Variants in RGS7 observed in about 807,000 individuals in gnomAD.
The protein encoded by RGS7 is regulator of G-protein signaling 7.
A neutral mutation model predicts 81.1 loss-of-function variants in RGS7; 27 were observed. That is an observed-to-expected ratio of 0.33 (90% CI 0.25 to 0.46). RGS7 has a LOEUF of 0.46. RGS7 is among the 20% of genes least tolerant of loss of function. RGS7 has a pLI of 1.00. For missense variants in RGS7, 396 were observed against 607.4 expected (o/e 0.65, Z 3.66); for synonymous variants, 208 against 207.7 (o/e 1.00, Z -0.01).
chr1:240,946,037 T>C (rs1678547549), intron 4 of RGS7, among the ~76,000 whole-genome samples: 1 of 152,186 alleles, frequency 6.6e-6, no homozygotes, highest in South Asian at 2.1e-4. Flanking sequence ...ATAAGATGTA[T>C]TAAAACATTT....
At position 241,098,619 on chromosome 1, in the gene RGS7, T is replaced by C. The variant is rs1374593208; in HGVS notation, c.175+47A>G. On this transcript the variant is annotated intron_variant, in intron 3 of 18. Transcript: ENST00000440928. Reference sequence around the variant, plus strand: ...AGCTGGAATCAGTTTTAAAGAGTTATCTAAGAGGTACAGGAGAAAACAGAA... The same window carrying C: ...AGCTGGAATCAGTTTTAAAGAGTTACCTAAGAGGTACAGGAGAAAACAGAA... 5.6e-6 allele frequency: 7 copies of C among 1,251,442 alleles called. No individual in the cohort carries two copies. The East Asian group carries it at 1.4e-4, about 25-fold the overall frequency. 77.5% of individuals were successfully genotyped at this position (1,251,442 alleles called of 1,614,324 possible).
intron 15 of RGS7, among the ~76,000 whole-genome samples, chr1:240,803,257 A>T (rs1688294579): frequency 6.6e-6 from 1 of 152,150 alleles, no homozygotes; most frequent in African/African-American, 2.4e-5. Flanking sequence ...GATTAATAAA[A>T]TGTCATAAAA....
chr1:241,022,015 G>A (rs1367412027), intron 3 of RGS7, among the ~76,000 whole-genome samples: 1 of 152,134 alleles, frequency 6.6e-6, no homozygotes, highest in Admixed American at 6.5e-5. Flanking sequence ...GTTTAGCTGT[G>A]CGGTTAAGAC....
At chr1:241,226,196 A>G (rs774123830) in intron 2 of RGS7, among the ~76,000 whole-genome samples, 1 of 152,240 alleles carries the variant, frequency 6.6e-6, no homozygotes, top group African/African-American at 2.4e-5. Context: ...AAGGAAAAGA[A>G]AAAAAGGAAA....
rs576057249 is a variant in RGS7 at position 240,805,206 on chromosome 1, C to T, written c.1269+934G>A. Among the ~76,000 whole-genome samples, 9 of 139,240 alleles carry T rather than the reference C, an allele frequency of 6.5e-5. No homozygotes were observed. In the East Asian group the frequency reaches 1.5e-3, roughly 23 times the overall value. 91.3% of individuals were successfully genotyped at this position (139,240 alleles called of 152,430 possible). On this transcript the variant is annotated intron_variant, in intron 15 of 18. Transcript: ENST00000440928. The stretch of plus-strand genomic sequence containing the variant: ...CCTGGGCAACATAGGGAGACCCACC[C>T]TGTCTCTACAAAAAAAAATAAAAAA...
rs139992038 is a variant in RGS7, at chr1:241,156,111, A to G, written c.79-57349T>C. 1.3e-3 allele frequency among the ~76,000 whole-genome samples: 202 copies of G among 151,176 alleles called. No individual in the cohort carries two copies. The Middle Eastern group carries it at 0.02, about 15-fold the overall frequency. On this transcript the variant is annotated intron_variant, in intron 2 of 18. Coordinates refer to ENST00000440928, the MANE Select transcript of RGS7 (RefSeq NM_001364886.1). ...ACACACACACACACACACCTGAGAT[A>G]GAGGATAGAAAGATAAATGATGATA...
At chr1:241,064,346 G>A (rs552395856) in intron 3 of RGS7, among the ~76,000 whole-genome samples, 1 of 151,602 alleles carries the variant, frequency 6.6e-6, no homozygotes, top group Non-Finnish European at 1.5e-5. Flanking sequence ...AGCACTTTGG[G>A]AGGCCGAGGT....
At chr1:240,804,176 A>G (rs1305491566) in intron 15 of RGS7, among the ~76,000 whole-genome samples, 1 of 152,204 alleles carries the variant, frequency 6.6e-6, no homozygotes, top group African/African-American at 2.4e-5. Flanking sequence ...TAATTTTCTC[A>G]TCTATAAAAT....
At chr1:241,180,726 G>A (rs1396371655) in intron 2 of RGS7, among the ~76,000 whole-genome samples, 2 of 152,196 alleles carry the variant, frequency 1.3e-5, no homozygotes, top group Non-Finnish European at 2.9e-5. Context: ...GAGTCAAAGG[G>A]TTTCAGAACT....
chr1:241,198,734 G>C (rs1188779675), intron 2 of RGS7, among the ~76,000 whole-genome samples: 1 of 152,014 alleles, frequency 6.6e-6, no homozygotes, highest in Non-Finnish European at 1.5e-5. Flanking sequence ...TGTTGTTACT[G>C]GTAAATTTTA....
chr1:240,983,444 G>A lies in RGS7; in HGVS notation c.176-315C>T, dbSNP rs6429235. ...TTATTAAGCATCTCCTATATTTCAG[G>A]TACAAGTCTTAGCACAGCATAACCA... On this transcript the variant is annotated intron_variant, in intron 3 of 18. Transcript: ENST00000440928. Among the ~76,000 whole-genome samples the A allele has an allele frequency of 6.4e-3, 978 of 152,244 alleles. 16 individuals carry two copies. Among genetic ancestry groups the A allele is most frequent in the African/African-American group, 0.022 (928 of 41,536 alleles).
intron 2 of RGS7, among the ~76,000 whole-genome samples, chr1:241,317,473 T>A (rs982115567): frequency 3.3e-5 from 5 of 152,138 alleles, no homozygotes; most frequent in Non-Finnish European, 7.4e-5. Context: ...TTACCCTTAC[T>A]TTCTGCATTC....
chr1:241,153,765 G>A (rs1270197417), intron 2 of RGS7, among the ~76,000 whole-genome samples: 2 of 152,240 alleles, frequency 1.3e-5, no homozygotes, highest in Non-Finnish European at 2.9e-5. Context: ...AATAGGGACA[G>A]AGAAGCAAGT....
intron 6 of RGS7, among the ~76,000 whole-genome samples, chr1:240,915,206 C>T (rs1422366863): frequency 6.6e-6 from 1 of 152,132 alleles, no homozygotes; most frequent in South Asian, 2.1e-4. Flanking sequence ...CAGAGCCCAA[C>T]AGACTGAGAT....
intron 3 of RGS7, among the ~76,000 whole-genome samples, chr1:241,014,198 C>T (rs142136763): frequency 3.5e-4 from 54 of 152,282 alleles, no homozygotes; most frequent in Admixed American, 1.1e-3. Context: ...CACAACCTTT[C>T]ATTTTCTACA....
intron 10 of RGS7, among the ~76,000 whole-genome samples, chr1:240,820,974 G>A (rs1448810990): frequency 6.6e-6 from 1 of 152,036 alleles, no homozygotes; most frequent in South Asian, 2.1e-4. Flanking sequence ...TTTCTTTCAC[G>A]GTTGCTCAGC....
intron 2 of RGS7, among the ~76,000 whole-genome samples, chr1:241,348,943 G>T (rs2148730248): frequency 6.6e-6 from 1 of 152,140 alleles, no homozygotes; most frequent in South Asian, 2.1e-4. Context: ...TGGTAACATA[G>T]GGTACCCCAC....
At chr1:241,257,182 G>C (rs1256505752) in intron 2 of RGS7, among the ~76,000 whole-genome samples, 2 of 152,096 alleles carry the variant, frequency 1.3e-5, no homozygotes, top group Non-Finnish European at 1.5e-5. Context: ...CTGGATGGTG[G>C]GAAGTCCGAG....
intron 2 of RGS7, among the ~76,000 whole-genome samples, chr1:241,259,667 A>AAAAAAAAACAAAATATATATATATATAT: frequency 2.0e-5 from 1 of 49,146 alleles, no homozygotes; most frequent in Non-Finnish European, 3.6e-5. Context: ...AAAAAAAAAA[A>AAAAAAAAACAAAATATATATATATATAT]ATATATATAT....
Sources: gnomAD v4.1 joint callset for allele counts (sites outside exome capture counted in the v4.1 genomes callset) on GRCh38, gnomAD v4.1.1 for gene constraint, MANE v1.5 for transcripts, NCBI Gene and HGNC (gene_info 2026-07-23, HGNC 2026-07-21) for gene names.